Variants in COX7B2 observed in about 807,000 individuals in gnomAD.
The protein encoded by COX7B2 is cytochrome c oxidase subunit 7B2, also known as cytochrome c oxidase subunit 7B2, mitochondrial.
For synonymous variants in COX7B2, 37 were observed against 32.1 expected, an observed-to-expected ratio of 1.15 and a Z score of -0.51; for missense variants, 109 against 95.9, an observed-to-expected ratio of 1.14 and a Z score of -0.57.
At position 46,759,674 on chromosome 4, in the gene COX7B2, A is replaced by G. The variant is rs184256149; in HGVS notation, c.-49-24433T>C. On this transcript the variant is annotated intron_variant, in intron 2 of 2. Coordinates refer to ENST00000355591, the MANE Select transcript of COX7B2 (RefSeq NM_130902.3). ...CCATCTCATGCCAGTTAGAATGTTG[A>G]TCATTAAAAAGTCAGGAAACAACAT... is the stretch of plus-strand genomic sequence containing the variant. 1.6e-4 allele frequency among the ~76,000 whole-genome samples: 24 copies of G among 152,132 alleles called. No individual in the cohort carries two copies. The East Asian group carries it at 4.6e-3, about 29-fold the overall frequency.
chr4:46,898,655 G>A (rs756790308), intron 1 of COX7B2, among the ~76,000 whole-genome samples: 2 of 151,902 alleles, frequency 1.3e-5, no homozygotes, highest in African/African-American at 2.4e-5. Flanking sequence ...AAACTCCTGG[G>A]CCCAAGAGAT....
At chr4:46,814,724 C>T (rs1719460224) in intron 2 of COX7B2, among the ~76,000 whole-genome samples, 6 of 152,160 alleles carry the variant, frequency 3.9e-5, no homozygotes, top group Admixed American at 3.3e-4. Context: ...CAATGTATCA[C>T]TGATGAGTTG....
rs187842206 is a variant in COX7B2, at chr4:46,865,713, G to C, written c.-104-20699C>G. Among the ~76,000 whole-genome samples the C allele has an allele frequency of 2.6e-3, 395 of 152,174 alleles. 1 individual carries two copies. The highest frequency in any genetic ancestry group is 4.8e-3 in the Non-Finnish European group (325 of 68,018). On this transcript the variant is annotated intron_variant, in intron 1 of 2. Transcript: ENST00000355591. Reference sequence around the variant, plus strand: ...CCCCCAGTTAACCTAATTCAGTGTGGGTGGGAGAAAACTCTATAGTAAATA... The same window carrying C: ...CCCCCAGTTAACCTAATTCAGTGTGCGTGGGAGAAAACTCTATAGTAAATA...
chr4:46,842,758 T>C (rs2109758970), intron 2 of COX7B2, among the ~76,000 whole-genome samples: 1 of 152,246 alleles, frequency 6.6e-6, no homozygotes, highest in Admixed American at 6.5e-5. Flanking sequence ...TGCATAGTAT[T>C]CCATGGTGTA....
chr4:46,753,232 T>G (rs1355555408), intron 2 of COX7B2, among the ~76,000 whole-genome samples: 1 of 152,192 alleles, frequency 6.6e-6, no homozygotes, highest in African/African-American at 2.4e-5. Context: ...TCTCTGATGG[T>G]AGTTTGTATT....
At chr4:46,789,284 G>T (rs1008755731) in intron 2 of COX7B2, among the ~76,000 whole-genome samples, 1 of 151,942 alleles carries the variant, frequency 6.6e-6, no homozygotes, top group Admixed American at 6.6e-5. Context: ...CTCAAGTATA[G>T]GAAAGTTCAA....
At chr4:46,767,178 C>T (rs969526991) in intron 2 of COX7B2, among the ~76,000 whole-genome samples, 4 of 152,114 alleles carry the variant, frequency 2.6e-5, no homozygotes, top group South Asian at 2.1e-4. Context: ...AGATATTCCA[C>T]GCAAGTGGCA....
intron 2 of COX7B2, among the ~76,000 whole-genome samples, chr4:46,838,384 ACT>A (rs930262995): frequency 3.3e-4 from 50 of 152,098 alleles, no homozygotes; most frequent in African/African-American, 9.9e-4. Flanking sequence ...TCAGAAAATC[ACT>A]CTCAGTAAAA....
At chr4:46,765,501 G>T (rs1023021289) in intron 2 of COX7B2, among the ~76,000 whole-genome samples, 9 of 152,122 alleles carry the variant, frequency 5.9e-5, no homozygotes, top group African/African-American at 2.2e-4. Flanking sequence ...GATGACGTGG[G>T]CCTGTCCTCC....
intron 2 of COX7B2, among the ~76,000 whole-genome samples, chr4:46,749,304 A>C (rs1715206156): frequency 2.0e-5 from 3 of 152,100 alleles, no homozygotes; most frequent in Admixed American, 2.0e-4. Flanking sequence ...AAATATCTCA[A>C]ATCTGCTAAC....
At chr4:46,768,280 G>A (rs1716665588) in intron 2 of COX7B2, among the ~76,000 whole-genome samples, 1 of 152,170 alleles carries the variant, frequency 6.6e-6, no homozygotes, top group Non-Finnish European at 1.5e-5. Flanking sequence ...GAAAGGAAAT[G>A]GAATGGGAAA....
At chr4:46,749,177 A>G (rs1266608058) in intron 2 of COX7B2, among the ~76,000 whole-genome samples, 1 of 152,160 alleles carries the variant, frequency 6.6e-6, no homozygotes, top group Non-Finnish European at 1.5e-5. Flanking sequence ...CAGCATCTCC[A>G]TCATTTAGCT....
chr4:46,899,347 A>G (rs949005128), intron 1 of COX7B2, among the ~76,000 whole-genome samples: 3 of 152,234 alleles, frequency 2.0e-5, no homozygotes, highest in African/African-American at 7.2e-5. Flanking sequence ...ACTAGAATCT[A>G]AAAGATGAGT....
At chr4:46,780,246 G>A (rs1717374286) in intron 2 of COX7B2, among the ~76,000 whole-genome samples, 1 of 152,188 alleles carries the variant, frequency 6.6e-6, no homozygotes, top group Non-Finnish European at 1.5e-5. Context: ...GCCGGGCACG[G>A]TGGCTCACAC....
At chr4:46,792,956 CA>C (rs1398275385) in intron 2 of COX7B2, among the ~76,000 whole-genome samples, 2 of 152,186 alleles carry the variant, frequency 1.3e-5, no homozygotes, top group Non-Finnish European at 2.9e-5. Context: ...TACACCTAAT[CA>C]ACCACAAATC....
At chr4:46,900,958 A>G (rs1405747831) in intron 1 of COX7B2, among the ~76,000 whole-genome samples, 1 of 152,208 alleles carries the variant, frequency 6.6e-6, no homozygotes, top group African/African-American at 2.4e-5. Flanking sequence ...ACATAATGTG[A>G]ACTTTATATT....
intron 1 of COX7B2, among the ~76,000 whole-genome samples, chr4:46,904,268 C>T (rs1720244448): frequency 6.6e-6 from 1 of 151,924 alleles, no homozygotes; most frequent in Non-Finnish European, 1.5e-5. Context: ...ACAAATGACA[C>T]ACTAGAGAAA....
At chr4:46,831,822 T>A (rs1715131475) in intron 2 of COX7B2, among the ~76,000 whole-genome samples, 1 of 152,032 alleles carries the variant, frequency 6.6e-6, no homozygotes, top group Admixed American at 6.5e-5. Context: ...GCGCTCTGTG[T>A]CTAGCTGATC....
At chr4:46,833,113 C>A (rs1010900487) in intron 2 of COX7B2, among the ~76,000 whole-genome samples, 10 of 152,108 alleles carry the variant, frequency 6.6e-5, no homozygotes, top group African/African-American at 2.4e-4. Context: ...CCATGTTGGT[C>A]AGGCTGGTCT....
Sources: allele counts gnomAD v4.1 joint callset (sites outside exome capture counted in the v4.1 genomes callset), GRCh38; gene constraint gnomAD v4.1.1; transcripts MANE v1.5; gene names NCBI Gene and HGNC (gene_info 2026-07-23, HGNC 2026-07-21).